OSBPL5: variants seen among roughly 807,000 people sequenced by gnomAD.
OSBPL5 encodes the protein oxysterol binding protein like 5, also known as oxysterol-binding protein-related protein 5.
In OSBPL5, 71 loss-of-function variants were observed where a neutral mutation model predicts 111.2. The ratio of observed to expected loss-of-function variants is 0.64; its 90% CI spans 0.53 to 0.78. OSBPL5 has a LOEUF of 0.78. Ranked by LOEUF, OSBPL5 falls within the 30% of genes least tolerant of loss-of-function variation. The pLI, the probability that OSBPL5 is intolerant of heterozygous loss-of-function variation, is 0.00. For synonymous variants in OSBPL5, 549 were observed against 513.9 expected, an observed-to-expected ratio of 1.07 and a Z score of -0.93; for missense variants, 1,210 against 1,189.3, an observed-to-expected ratio of 1.02 and a Z score of -0.26.
rs1387211344 is a variant in OSBPL5 at position 3,126,877 on chromosome 11, CCA to C, written c.137-324_137-323del. Among the ~76,000 whole-genome samples, 9 of 152,164 alleles carry C rather than the reference CCA, an allele frequency of 5.9e-5. No homozygotes were observed. Among genetic ancestry groups the C allele is most frequent in the Non-Finnish European group, 1.2e-4 (8 of 68,030 alleles). On this transcript the variant is annotated intron_variant, in intron 2 of 21. Coordinates refer to ENST00000263650, the MANE Select transcript of OSBPL5 (RefSeq NM_020896.4). This position sits in a 1 kb window ranked among gnomAD's most constrained non-coding sequence, Gnocchi z 6.5. The stretch of plus-strand genomic sequence containing the variant: ...TGGGGGTCTGTGAAGGCCAGAGTCC[CCA>C]GTTTTCAGAAAAAGAATGTGACATC...
At chr11:3,150,248 A>G (rs993013807) in intron 1 of OSBPL5, among the ~76,000 whole-genome samples, 8 of 152,174 alleles carry the variant, frequency 5.3e-5, no homozygotes, top group Admixed American at 3.9e-4. Context: ...CAGGGTCCCA[A>G]GTCCCCGGGG....
rs376389641 is a variant in OSBPL5, at chr11:3,122,164, G to A, written c.301-66C>T. The stretch of plus-strand genomic sequence containing the variant: ...CCGAGCTGCCCCAGCTCCTCCCACC[G>A]TCCAGCCCAGGGATGGGTCCAGGGG... On this transcript the variant is annotated intron_variant, in intron 4 of 21. Transcript: ENST00000263650. The A allele has an allele frequency of 1.4e-3, 2,139 of 1,478,462 alleles. 26 individuals carry two copies. In the African/African-American group the frequency reaches 0.026, roughly 18 times the overall value. The allele number at this position is 1,478,462 out of a possible 1,614,324, so 91.6% of individuals were successfully genotyped here. A position where few individuals can be genotyped will look rare whatever the true frequency, so the allele number is the denominator to read the frequency against.
At chr11:3,131,699 T>TAACCATCC (rs1483373210) in intron 1 of OSBPL5, among the ~76,000 whole-genome samples, 37 of 79,132 alleles carry the variant, frequency 4.7e-4, no homozygotes, top group Non-Finnish European at 8.6e-4. Context: ...CCCATTCATC[T>TAACCATCC]ATCCATCCAT....
At chr11:3,102,085 G>T (rs1022158463) in intron 12 of OSBPL5, 98 bp downstream of exon 12, 2 of 1,294,008 alleles carry the variant, frequency 1.5e-6, no homozygotes, top group Admixed American at 4.2e-5. Flanking sequence ...GGCCCTCGGG[G>T]TCACGCTTGC....
intron 6 of OSBPL5, 136 bp from the exon 7 acceptor site, chr11:3,119,767 C>A: frequency 1.3e-6 from 1 of 743,120 alleles, no homozygotes; most frequent in Non-Finnish European, 2.1e-6. Flanking sequence ...CCAGGTGGGG[C>A]CAGGCACCTG....
At chr11:3,103,765 C>T (rs1406937987) in intron 10 of OSBPL5, among the ~76,000 whole-genome samples, 2 of 41,250 alleles carry the variant, frequency 4.8e-5, no homozygotes, top group South Asian at 9.2e-4. Flanking sequence ...AGCTCTGCAG[C>T]CCCCTTCCAG....
intron 7 of OSBPL5, among the ~76,000 whole-genome samples, chr11:3,114,591 ATTTTTTT>A (rs59645003): frequency 5.3e-5 from 6 of 113,900 alleles, no homozygotes; most frequent in East Asian, 2.5e-4. Context: ...TAGAACAATG[ATTTTTTT>A]TTTTTTTTTT....
At position 3,138,114 on chromosome 11, in the gene OSBPL5, C is replaced by T. The variant is rs552349602; in HGVS notation, c.-21-8945G>A. Among the ~76,000 whole-genome samples the T allele has an allele frequency of 2.0e-5, 3 of 152,310 alleles. No individual in the cohort carries two copies. In the East Asian group the frequency reaches 5.8e-4, roughly 29 times the overall value. ...CAGCCAAGTCCTGTGCCTGTGGGCC[C>T]GGCCAGGCCAGCCCGTCCCCGGCCC... On this transcript the variant is annotated intron_variant, in intron 1 of 21. Coordinates refer to ENST00000263650, the MANE Select transcript of OSBPL5 (RefSeq NM_020896.4).
chr11:3,129,156 G>A lies in OSBPL5; in HGVS notation c.-8C>T, dbSNP rs760711366. 9 of 1,416,456 alleles carry A rather than the reference G, an allele frequency of 6.4e-6. No individual in the cohort carries two copies. In the East Asian group the frequency reaches 2.6e-4, roughly 41 times the overall value. 87.7% of individuals were successfully genotyped at this position (1,416,456 alleles called of 1,614,324 possible). ...GAAGGCCTCCTCCTTCATGCTGTGG[G>A]CGCTCGGGGGCTTCTGGAAGGAAGG... On this transcript the variant is annotated 5_prime_UTR_variant, in exon 2 of 22. Transcript: ENST00000263650.
chr11:3,098,352 C>CT (rs969794447), intron 14 of OSBPL5, among the ~76,000 whole-genome samples: 2 of 150,938 alleles, frequency 1.3e-5, no homozygotes, highest in African/African-American at 4.9e-5. Context: ...GAGTGAGGCA[C>CT]TTAAAAAAAA....
Position 3,109,484 on chromosome 11 carries a change from C to T in OSBPL5, c.692-1539G>A, listed in dbSNP as rs757912621. ...GTGCCTCTCTGAGCCTCTGCCTTTTCGAGCTCCTGGAGACAGTGAGTTTTT... is the reference window on the plus strand; with the variant it reads ...GTGCCTCTCTGAGCCTCTGCCTTTTTGAGCTCCTGGAGACAGTGAGTTTTT... On this transcript the variant is annotated intron_variant, in intron 7 of 21. Coordinates refer to ENST00000263650, the MANE Select transcript of OSBPL5 (RefSeq NM_020896.4). The surrounding 1 kb of genome is among the most constrained non-coding windows in gnomAD (Gnocchi z 7.4). 3.9e-5 allele frequency among the ~76,000 whole-genome samples: 6 copies of T among 152,160 alleles called. No individual in the cohort carries two copies. The highest frequency in any genetic ancestry group is 4.4e-5 in the Non-Finnish European group (3 of 68,034).
intron 7 of OSBPL5, among the ~76,000 whole-genome samples, chr11:3,117,355 G>GATA (rs1442960689): frequency 6.6e-6 from 1 of 152,198 alleles, no homozygotes; most frequent in East Asian, 1.9e-4. Context: ...ACCTCAAGAA[G>GATA]ATAATAATTC....
At chr11:3,125,618 A>T (rs111507491) in intron 3 of OSBPL5, among the ~76,000 whole-genome samples, 3,028 of 152,282 alleles carry the variant, frequency 0.02, 109 homozygotes, top group African/African-American at 0.07. Flanking sequence ...ATCCTGGCTA[A>T]CACGGTGAAA....
Position 3,154,954 on chromosome 11 carries a change from C to T in OSBPL5, c.-22+10262G>A, listed in dbSNP as rs1846709358. 6.6e-6 allele frequency among the ~76,000 whole-genome samples: 1 copy of T among 152,072 alleles called. No homozygotes were observed. The highest frequency in any genetic ancestry group is 2.1e-4 in the South Asian group (1 of 4,820). Reference sequence around the variant, plus strand: ...ATAAAAAGAGCCCATTAAATTAAAACAGGTCATTAGGGTGGGCCCTAGTCC... The same window carrying T: ...ATAAAAAGAGCCCATTAAATTAAAATAGGTCATTAGGGTGGGCCCTAGTCC... On this transcript the variant is annotated intron_variant, in intron 1 of 21. Transcript: ENST00000263650. This position sits in a 1 kb window ranked among gnomAD's most constrained non-coding sequence, Gnocchi z 4.9.
chr11:3,130,640 C>A lies in OSBPL5; in HGVS notation c.-21-1471G>T, dbSNP rs1858793091. On this transcript the variant is annotated intron_variant, in intron 1 of 21. Coordinates refer to ENST00000263650, the MANE Select transcript of OSBPL5 (RefSeq NM_020896.4). The surrounding 1 kb of genome is among the most constrained non-coding windows in gnomAD (Gnocchi z 4.5). ...GACCTTGGCCATCTTACACACAGGG[C>A]AGCTGGCTTCAGAGAGGCTGGCGTT... 2.0e-5 allele frequency among the ~76,000 whole-genome samples: 3 copies of A among 152,222 alleles called. No homozygotes were observed. The South Asian group carries it at 6.2e-4, about 32-fold the overall frequency.
chr11:3,106,800 A>C lies in OSBPL5; in HGVS notation c.1059+463T>G, dbSNP rs922355979. On this transcript the variant is annotated intron_variant, in intron 9 of 21. Transcript: ENST00000263650. The surrounding 1 kb of genome is among the most constrained non-coding windows in gnomAD (Gnocchi z 8.4). ...TGCTGCCCATACACTGGGGGCCCAG[A>C]GCCCAGGTCTGTCTCATTCATGGCT... 2.0e-5 allele frequency among the ~76,000 whole-genome samples: 3 copies of C among 152,204 alleles called. No individual in the cohort carries two copies. The highest frequency in any genetic ancestry group is 1.5e-5 in the Non-Finnish European group (1 of 68,004).
intron 7 of OSBPL5, among the ~76,000 whole-genome samples, chr11:3,112,003 G>GCA (rs1554898174): frequency 3.2e-4 from 45 of 142,398 alleles, no homozygotes; most frequent in African/African-American, 1.1e-3. Flanking sequence ...GCATGTGTGT[G>GCA]TGTGTGCGCG....
Position 3,089,901 on chromosome 11 carries a change from G to A in OSBPL5, c.2446C>T (p.Gln816Ter). Residue 816 changes from glutamine to a stop codon, truncating the protein, a stop_gained, in exon 21 of 22, where the codon CAG (glutamine) becomes TAG (stop). Transcript: ENST00000263650. LOFTEE classifies it high-confidence loss of function. ...PRCRKEARRL[Q>*]ALHEAILSIR... ...GAGAGGATGGCCTCGTGCAGGGCCT[G>A]CAGCCGCCGCGCCTCCTTCCTGCAC... 6.4e-7 allele frequency: 1 copy of A among 1,565,720 alleles called. No homozygotes were observed. Among genetic ancestry groups the A allele is most frequent in the Non-Finnish European group, 8.7e-7 (1 of 1,155,960 alleles).
rs755971271 is a variant in OSBPL5, at chr11:3,102,323, G to C, written c.1327-42C>G. Reference sequence around the variant, plus strand: ...CTTGTGTGAGGAGCCAGGTGGGTAAGAGGTCCGCTGTGCAGAGCAGGTGAG... The same window carrying C: ...CTTGTGTGAGGAGCCAGGTGGGTAACAGGTCCGCTGTGCAGAGCAGGTGAG... On this transcript the variant is annotated intron_variant, in intron 11 of 21. Transcript: ENST00000263650. 1.2e-5 allele frequency: 19 copies of C among 1,546,134 alleles called. 1 individual carries two copies. In the African/African-American group the frequency reaches 1.9e-4, roughly 16 times the overall value.
Sources: gnomAD v4.1 joint callset for allele counts (sites outside exome capture counted in the v4.1 genomes callset) on GRCh38, gnomAD v4.1.1 for gene constraint, Gnocchi (gnomAD v3.1) non-coding constraint, MANE v1.5 for transcripts, NCBI Gene and HGNC (gene_info 2026-07-23, HGNC 2026-07-21) for gene names.